The following ENTPD5 variants were observed in gnomAD, a reference collection of about 807,000 sequenced individuals.
The protein encoded by ENTPD5 is nucleoside diphosphate phosphatase ENTPD5.
A neutral mutation model predicts 60.2 loss-of-function variants in ENTPD5; 49 were observed. That is an observed-to-expected ratio of 0.81 (90% CI 0.65 to 1.03). ENTPD5 has a LOEUF of 1.03. Among genes scored for constraint, ENTPD5 ranks in the 50% least tolerant of loss-of-function variants. ENTPD5 has a pLI of 0.00. For missense variants in ENTPD5, 480 were observed against 507.6 expected (o/e 0.95, Z 0.52); for synonymous variants, 187 against 185.4 (o/e 1.01, Z -0.07).
intron 6 of ENTPD5, among the ~76,000 whole-genome samples, chr14:73,981,937 A>C (rs1326883386): frequency 6.6e-6 from 1 of 152,256 alleles, no homozygotes; most frequent in Non-Finnish European, 1.5e-5. Flanking sequence ...GAAAAGAATA[A>C]GCAAAACTTA....
downstream of ENTPD5, chr14:73,955,774 T>G: frequency 6.2e-7 from 1 of 1,614,180 alleles, no homozygotes; most frequent in Non-Finnish European, 8.5e-7. Flanking sequence ...CCCTCTTGGT[T>G]TTAATGCAGA....
intron 5 of ENTPD5, among the ~76,000 whole-genome samples, chr14:73,983,537 T>C (rs1162862724): frequency 6.6e-6 from 1 of 151,026 alleles, no homozygotes; most frequent in East Asian, 2.0e-4. Flanking sequence ...GGCAAGAGCA[T>C]TGCTTGAACC....
At chr14:73,971,514 GA>G (rs1186835630) in intron 14 of ENTPD5, among the ~76,000 whole-genome samples, 3 of 152,012 alleles carry the variant, frequency 2.0e-5, no homozygotes, top group African/African-American at 4.8e-5. Context: ...GCATAAAGCT[GA>G]AAAAAAATTT....
intron 3 of ENTPD5, among the ~76,000 whole-genome samples, chr14:73,989,654 T>C (rs1255403903): frequency 1.3e-5 from 2 of 151,534 alleles, no homozygotes; most frequent in African/African-American, 2.4e-5. Context: ...GCCAACATGG[T>C]GAAACCCCGC....
intron 1 of ENTPD5, among the ~76,000 whole-genome samples, chr14:74,018,321 G>A (rs941966544): frequency 3.3e-5 from 5 of 152,160 alleles, no homozygotes; most frequent in Non-Finnish European, 7.3e-5. Context: ...ACATCGGGAA[G>A]GAGTGTACGG....
chr14:73,967,468 A>C (rs569911096), intron 15 of ENTPD5, among the ~76,000 whole-genome samples: 1 of 152,310 alleles, frequency 6.6e-6, no homozygotes, highest in South Asian at 2.1e-4. Flanking sequence ...CAAGCTTCTC[A>C]ACTCCTACTA....
intron 8 of ENTPD5, 101 bp downstream of exon 8, chr14:73,976,923 A>T: frequency 9.0e-7 from 1 of 1,107,678 alleles, no homozygotes; most frequent in Admixed American, 2.2e-5. Flanking sequence ...CCTTTTTTAA[A>T]GAAGAAGAAA....
At chr14:73,961,679 G>T, downstream of ENTPD5, 2 of 1,610,388 alleles carry the variant, frequency 1.2e-6, no homozygotes. Context: ...GGCTTGCTAG[G>T]AGATGGAAGA....
chr14:74,012,654 T>A (rs766559762), intron 2 of ENTPD5, among the ~76,000 whole-genome samples: 1 of 152,132 alleles, frequency 6.6e-6, no homozygotes, highest in Non-Finnish European at 1.5e-5. Flanking sequence ...TGCAGTAAAC[T>A]GGAGAGCATG....
At chr14:73,975,862 G>A in intron 10 of ENTPD5, 74 bp downstream of exon 10, 2 of 1,285,262 alleles carry the variant, frequency 1.6e-6, no homozygotes. Flanking sequence ...TACAATAACA[G>A]ATTTGAGAAT....
chr14:73,989,832 CAAA>C lies in ENTPD5; in HGVS notation c.-70-1663_-70-1661del, dbSNP rs57558687. Among the ~76,000 whole-genome samples the C allele has an allele frequency of 9.6e-5, 5 of 52,336 alleles. No homozygotes were observed. In the South Asian group the frequency reaches 2.2e-3, roughly 23 times the overall value. 34.3% of individuals were successfully genotyped at this position (52,336 alleles called of 152,430 possible). On this transcript the variant is annotated intron_variant, in intron 3 of 15. Transcript: ENST00000334696. Reference sequence around the variant, plus strand: ...TGGGCGACACAGCAAGACTCAGTCTCAAAAAAAAAAAAAAAAAAAAAAAAATTA... The same window carrying C: ...TGGGCGACACAGCAAGACTCAGTCTCAAAAAAAAAAAAAAAAAAAAAATTA...
intron 6 of ENTPD5, among the ~76,000 whole-genome samples, chr14:73,980,283 G>C (rs1344268092): frequency 7.8e-6 from 1 of 128,466 alleles, no homozygotes; most frequent in Non-Finnish European, 1.6e-5. Flanking sequence ...TTTTTTTTTT[G>C]AGACAGAGTC....
intron 3 of ENTPD5, among the ~76,000 whole-genome samples, chr14:73,993,198 G>C (rs546088855): frequency 6.6e-6 from 1 of 152,016 alleles, no homozygotes; most frequent in African/African-American, 2.4e-5. Flanking sequence ...TTAGTTGGAC[G>C]TGGTGGCATG....
intron 3 of ENTPD5, among the ~76,000 whole-genome samples, chr14:73,993,659 A>G (rs1351565196): frequency 6.6e-6 from 1 of 152,208 alleles, no homozygotes; most frequent in African/African-American, 2.4e-5. Flanking sequence ...AGAGTCTCTG[A>G]GTGTTAACAG....
chr14:73,963,020 G>C, downstream of ENTPD5: 1 of 1,585,260 alleles, frequency 6.3e-7, no homozygotes, highest in South Asian at 1.1e-5. Context: ...CCTAAAGAAA[G>C]ATTACGTTGA....
chr14:73,976,141 G>C, intron 9 of ENTPD5, 126 bp from the exon 10 acceptor site: 1 of 896,390 alleles, frequency 1.1e-6, no homozygotes, highest in South Asian at 1.5e-5. Context: ...AATCTCACTA[G>C]GCTTGAGGAA....
chr14:73,972,409 A>C (rs1168874000), intron 13 of ENTPD5, among the ~76,000 whole-genome samples: 1 of 151,942 alleles, frequency 6.6e-6, no homozygotes, highest in East Asian at 1.9e-4. Flanking sequence ...CCAAAACAAC[A>C]ACAACAACAA....
intron 14 of ENTPD5, among the ~76,000 whole-genome samples, chr14:73,970,441 G>A (rs886439645): frequency 6.6e-6 from 1 of 150,408 alleles, no homozygotes; most frequent in Non-Finnish European, 1.5e-5. Flanking sequence ...GCAGTGAGCC[G>A]AGATCTCACC....
At chr14:73,975,347 A>G (rs1034348298) in intron 10 of ENTPD5, among the ~76,000 whole-genome samples, 1 of 151,900 alleles carries the variant, frequency 6.6e-6, no homozygotes, top group African/African-American at 2.4e-5. Context: ...GGAGCTGGCA[A>G]GGAGCTTTGC....
Sources: allele counts gnomAD v4.1 joint callset (sites outside exome capture counted in the v4.1 genomes callset), GRCh38; gene constraint gnomAD v4.1.1; transcripts MANE v1.5; gene names NCBI Gene and HGNC (gene_info 2026-07-23, HGNC 2026-07-21).